The following ERMAP variants were observed in gnomAD, a reference collection of about 807,000 sequenced individuals.
ERMAP encodes erythroid membrane-associated protein.
Under a neutral mutation model 49.5 loss-of-function variants are expected in ERMAP, and 34 were observed. The ratio of observed to expected loss-of-function variants is 0.69; its 90% CI spans 0.52 to 0.91. The LOEUF is 0.91. Ranked by LOEUF, ERMAP falls within the 40% of genes least tolerant of loss-of-function variation. The pLI is 0.00. For missense variants in ERMAP, 541 were observed against 582.6 expected (o/e 0.93, Z 0.74); for synonymous variants, 214 against 232.2 (o/e 0.92, Z 0.71).
Position 42,842,607 on chromosome 1 carries a change from C to G in ERMAP, c.803C>G (p.Pro268Arg). Residue 268 changes from proline to arginine, a missense_variant, in exon 12 of 12, where the codon CCT becomes CGT. Coordinates refer to ENST00000372517, the MANE Select transcript of ERMAP (RefSeq NM_001017922.2). ...RCVRLGDRRQ[P>R]VPDNPQRFDF... Reference sequence around the variant, plus strand: ...GTAAGGCTTGGAGACAGACGGCAGCCTGTACCTGACAACCCCCAGAGATTT... The same window carrying G: ...GTAAGGCTTGGAGACAGACGGCAGCGTGTACCTGACAACCCCCAGAGATTT... 6.2e-7 allele frequency: 1 copy of G among 1,614,226 alleles called. No homozygotes were observed. Among genetic ancestry groups the G allele is most frequent in the Non-Finnish European group, 8.5e-7 (1 of 1,180,048 alleles).
chr1:42,836,902 T>TA (rs1157753360), intron 6 of ERMAP: 55 of 286,726 alleles, frequency 1.9e-4, no homozygotes, highest in Middle Eastern at 8.8e-4. Context: ...GGTGGCAGAT[T>TA]TAAAAAAAAA....
At chr1:42,833,150 GGAAACA>G (rs1654797111) in intron 4 of ERMAP, among the ~76,000 whole-genome samples, 1 of 152,208 alleles carries the variant, frequency 6.6e-6, no homozygotes, top group Non-Finnish European at 1.5e-5. Flanking sequence ...AAGCTGGGGT[GGAAACA>G]GGTTTGAAGG....
rs1374336608 is a variant in ERMAP at position 42,838,939 on chromosome 1, T to A, written c.637+18T>A. On this transcript the variant is annotated intron_variant, in intron 8 of 11. Transcript: ENST00000372517. Reference sequence around the variant, plus strand: ...AGCTGTCAGTAAGTTTTGCTCCTCATCCATGGCACAAGCTCCTTCTGCTGA... The same window carrying A: ...AGCTGTCAGTAAGTTTTGCTCCTCAACCATGGCACAAGCTCCTTCTGCTGA... The A allele has an allele frequency of 6.2e-7, 1 of 1,614,180 alleles. No individual in the cohort carries two copies.
chr1:42,823,058 T>C (rs1007874092), intron 1 of ERMAP, among the ~76,000 whole-genome samples: 1 of 152,226 alleles, frequency 6.6e-6, no homozygotes, highest in Non-Finnish European at 1.5e-5. Flanking sequence ...TGTTTTGTGG[T>C]TGAAGTGTAT....
At chr1:42,822,028 A>G (rs942497391) in intron 1 of ERMAP, among the ~76,000 whole-genome samples, 5 of 150,410 alleles carry the variant, frequency 3.3e-5, no homozygotes, top group African/African-American at 9.7e-5. Context: ...AAAAAAAAAA[A>G]GAAAACTAAG....
rs576976638 is a variant in ERMAP, at chr1:42,821,342, A to AT, written c.-122+4090dup. ...TCCCTCTTTTTAAGTCAGGAAGCAT[A>AT]TAGACCAAAAAAATTACAGTGATTA... is the stretch of plus-strand genomic sequence containing the variant. On this transcript the variant is annotated intron_variant, in intron 1 of 11. Coordinates refer to ENST00000372517, the MANE Select transcript of ERMAP (RefSeq NM_001017922.2). Among the ~76,000 whole-genome samples the AT allele has an allele frequency of 2.4e-3, 362 of 152,348 alleles. 1 individual carries two copies. The highest frequency in any genetic ancestry group is 8.3e-3 in the African/African-American group (347 of 41,576).
intron 1 of ERMAP, chr1:42,817,914 C>T (rs983107954): frequency 2.6e-5 from 4 of 152,232 alleles, no homozygotes; most frequent in African/African-American, 9.6e-5. Context: ...CATTTATTAA[C>T]TAATTCCTCA....
intron 11 of ERMAP, 21 bp downstream of exon 11, chr1:42,840,317 A>G (rs200492177): frequency 4.3e-5 from 69 of 1,614,032 alleles, no homozygotes; most frequent in Non-Finnish European, 5.8e-5. Context: ...CCAATCAAAT[A>G]GGTCCATATC....
At position 42,843,108 on chromosome 1, in the gene ERMAP, A is replaced by T; in HGVS notation, c.1304A>T (p.Asp435Val). The T allele has an allele frequency of 6.2e-7, 1 of 1,614,154 alleles. No individual in the cohort carries two copies. The highest frequency in any genetic ancestry group is 1.1e-5 in the South Asian group (1 of 91,084). Reference sequence around the variant, plus strand: ...GAAGGGAAAGGCCATGCTAATGGAGATGTGTCCCTCAAGGTGAACTCTTCT... The same window carrying T: ...GAAGGGAAAGGCCATGCTAATGGAGTTGTGTCCCTCAAGGTGAACTCTTCT... Reference protein sequence around the residue: ...RPEGKGHANGDVSLKVNSSLL... With the variant: ...RPEGKGHANGVVSLKVNSSLL... The change falls in exon 12 of 12, where the codon GAT becomes GTT. Residue 435 changes from aspartate (D) to valine (V), a missense_variant. Physicochemically the swap from Asp to Val is radical, Grantham distance 152. Coordinates refer to ENST00000372517, the MANE Select transcript of ERMAP (RefSeq NM_001017922.2).
rs1654525004 is a variant in ERMAP, at chr1:42,825,726, G to C, written c.-18G>C. On this transcript the variant is annotated 5_prime_UTR_variant, in exon 2 of 12. It removes the in-frame stop codon of an upstream open reading frame in the 5' UTR. Transcript: ENST00000372517. ...GCCTGTGAGAGGAACAAGCGTCCCT[G>C]ATCCAGAAGGTGGTGAGTCCTCCTC... The C allele has an allele frequency of 3.1e-6, 4 of 1,289,410 alleles. No homozygotes were observed. Among genetic ancestry groups the C allele is most frequent in the Non-Finnish European group, 3.0e-6 (3 of 988,876 alleles). 79.9% of individuals were successfully genotyped at this position (1,289,410 alleles called of 1,614,324 possible).
chr1:42,842,501 C>T lies in ERMAP; in HGVS notation c.713-16C>T. The T allele has an allele frequency of 6.2e-7, 1 of 1,603,208 alleles. No homozygotes were observed. The highest frequency in any genetic ancestry group is 8.5e-7 in the Non-Finnish European group (1 of 1,173,982). On this transcript the variant is annotated splice_polypyrimidine_tract_variant and intron_variant, in intron 11 of 11. Coordinates refer to ENST00000372517, the MANE Select transcript of ERMAP (RefSeq NM_001017922.2). ...ACCTATACTTCCAAGCCTCACCTGT[C>T]TGTGTCTCTTTGCAGTGGCAGTGAC...
In ERMAP at chr1:42,817,184, C is replaced by T. The variant is rs1570521464; in HGVS notation, c.-191C>T. The T allele has an allele frequency of 8.0e-7, 1 of 1,248,138 alleles. No individual in the cohort carries two copies. The highest frequency in any genetic ancestry group is 1.3e-5 in the South Asian group (1 of 76,562). The allele number at this position is 1,248,138 out of a possible 1,614,324, so 77.3% of individuals were successfully genotyped here. On this transcript the variant is annotated 5_prime_UTR_variant, in exon 1 of 12. Transcript: ENST00000372517. Reference sequence around the variant, plus strand: ...GCCGCCGACCAAGAGGCTTGGGAGTCTGTACCTTTCCCGACCGGGCCACTG... The same window carrying T: ...GCCGCCGACCAAGAGGCTTGGGAGTTTGTACCTTTCCCGACCGGGCCACTG...
chr1:42,842,456 C>A, intron 11 of ERMAP, 61 bp from the exon 12 acceptor site: 1 of 1,463,250 alleles, frequency 6.8e-7, no homozygotes, highest in South Asian at 1.3e-5. Flanking sequence ...CCCTCCAAAG[C>A]CATCCCCAAA....
rs1655093537 is a variant in ERMAP, at chr1:42,842,673, C to T, written c.869C>T (p.Thr290Ile). 1 of 1,614,206 alleles carries T rather than the reference C, an allele frequency of 6.2e-7. No individual in the cohort carries two copies. The highest frequency in any genetic ancestry group is 8.5e-7 in the Non-Finnish European group (1 of 1,180,040). The change falls in exon 12 of 12, where the codon ACT becomes ATT. Residue 290 changes from threonine (T) to isoleucine (I), a missense_variant. Physicochemically the swap from Thr to Ile is moderately conservative, Grantham distance 89 (BLOSUM62 -1). Transcript: ENST00000372517. The stretch of plus-strand genomic sequence containing the variant: ...ATCCTAGGCTCTGAGTACTTCACGA[C>T]TGGCTGCCACTACTGGGAGGTGTAT... ...VSILGSEYFT[T>I]GCHYWEVYVG...
At position 42,843,319 on chromosome 1, in the gene ERMAP, G is replaced by A. The variant is rs552543298; in HGVS notation, c.*87G>A. On this transcript the variant is annotated 3_prime_UTR_variant, in exon 12 of 12. Coordinates refer to ENST00000372517, the MANE Select transcript of ERMAP (RefSeq NM_001017922.2). The stretch of plus-strand genomic sequence containing the variant: ...TGGCCCAACCCCATGATTATGGAAC[G>A]TCTCTTCACCTTAACCCAAATCCAG... 1.7e-5 allele frequency: 16 copies of A among 967,896 alleles called. No homozygotes were observed. The highest frequency in any genetic ancestry group is 2.3e-5 in the Non-Finnish European group (15 of 664,420). 60.0% of individuals were successfully genotyped at this position (967,896 alleles called of 1,614,324 possible).
Position 42,843,009 on chromosome 1 carries a change from G to A in ERMAP, c.1205G>A (p.Gly402Glu). Residue 402 changes from glycine to glutamate, a missense_variant, in exon 12 of 12, where the codon GGA becomes GAA. Transcript: ENST00000372517. ...TTCTTTGAACCTTGCCTTCATGATG[G>A]AGGAAAAAACACAGCACCTCTAGTC... ...RPFFEPCLHD[G>E]GKNTAPLVIC... 1 of 1,613,968 alleles carries A rather than the reference G, an allele frequency of 6.2e-7. No individual in the cohort carries two copies. The highest frequency in any genetic ancestry group is 1.1e-5 in the South Asian group (1 of 91,054).
In ERMAP at chr1:42,842,817, A is replaced by C. The variant is rs372550039; in HGVS notation, c.1013A>C (p.Glu338Ala). 15 of 1,614,156 alleles carry C rather than the reference A, an allele frequency of 9.3e-6. No individual in the cohort carries two copies. The East Asian group carries it at 2.2e-4, about 24-fold the overall frequency. ...CTTCTGCGACAGAGTCGTGGGAATG[A>C]GTATGAAGCTCTCACATCCCCGCAG... ...HWLLRQSRGN[E>A]YEALTSPQTS... Residue 338 changes from glutamate to alanine, a missense_variant, in exon 12 of 12, where the codon GAG (glutamate) becomes GCG (alanine). Coordinates refer to ENST00000372517, the MANE Select transcript of ERMAP (RefSeq NM_001017922.2).
intron 8 of ERMAP, chr1:42,839,824 G>A: frequency 1.7e-6 from 1 of 602,756 alleles, no homozygotes. Context: ...GGCTCACATA[G>A]GAATTTGCTG....
chr1:42,837,045 G>A, intron 6 of ERMAP, 113 bp from the exon 7 acceptor site: 1 of 1,033,180 alleles, frequency 9.7e-7, no homozygotes, highest in Non-Finnish European at 1.5e-6. Context: ...GGATCAGGGA[G>A]GTGGAGGTGA....
Sources: allele counts gnomAD v4.1 joint callset (sites outside exome capture counted in the v4.1 genomes callset), GRCh38; gene constraint gnomAD v4.1.1; transcripts MANE v1.5; gene names NCBI Gene and HGNC (gene_info 2026-07-23, HGNC 2026-07-21).